The following SLC4A10 variants were observed in gnomAD, a reference collection of about 807,000 sequenced individuals.
SLC4A10 encodes sodium-driven chloride bicarbonate exchanger.
In SLC4A10, 42 loss-of-function variants were observed where a neutral mutation model predicts 137.7. The ratio of observed to expected loss-of-function variants is 0.30; its 90% CI spans 0.24 to 0.39. The LOEUF (loss-of-function observed/expected upper bound fraction) is 0.39, where lower values mean the gene tolerates loss of function less well. Ranked by LOEUF, SLC4A10 falls within the 10% of genes least tolerant of loss-of-function variation. The pLI is 1.00. For synonymous variants in SLC4A10, 474 were observed against 464.1 expected, an observed-to-expected ratio of 1.02 and a Z score of -0.27; for missense variants, 925 against 1,355.0, an observed-to-expected ratio of 0.68 and a Z score of 4.98.
At chr2:161,900,541 G>A (rs1005798643) in intron 11 of SLC4A10, among the ~76,000 whole-genome samples, 2 of 151,854 alleles carry the variant, frequency 1.3e-5, no homozygotes, top group Non-Finnish European at 2.9e-5. Flanking sequence ...ATATTATAAG[G>A]TTATTGTCTC....
At chr2:161,671,015 C>T (rs916083946) in intron 1 of SLC4A10, among the ~76,000 whole-genome samples, 2 of 152,092 alleles carry the variant, frequency 1.3e-5, no homozygotes, top group Non-Finnish European at 2.9e-5. Context: ...TGGTACTGAA[C>T]AACTACAATG....
At chr2:161,707,929 C>T (rs1332216875) in intron 1 of SLC4A10, among the ~76,000 whole-genome samples, 1 of 151,192 alleles carries the variant, frequency 6.6e-6, no homozygotes, top group African/African-American at 2.4e-5. Context: ...TATAGGCGCT[C>T]ATCATTTTGA....
chr2:161,849,327 A>G (rs2059689559), intron 4 of SLC4A10, among the ~76,000 whole-genome samples: 2 of 152,148 alleles, frequency 1.3e-5, no homozygotes, highest in South Asian at 4.1e-4. Context: ...TCCTAGGTAT[A>G]GTATCATATC....
chr2:161,681,115 CACTT>C (rs1411770307), intron 1 of SLC4A10, among the ~76,000 whole-genome samples: 2 of 152,070 alleles, frequency 1.3e-5, no homozygotes, highest in African/African-American at 2.4e-5. Context: ...AAGTTGATAC[CACTT>C]ACTTCAAATT....
At chr2:161,713,145 C>G (rs2044474675) in intron 1 of SLC4A10, among the ~76,000 whole-genome samples, 1 of 151,756 alleles carries the variant, frequency 6.6e-6, no homozygotes, top group African/African-American at 2.4e-5. Flanking sequence ...TTCATTTTGG[C>G]TATAGCCTAG....
intron 1 of SLC4A10, among the ~76,000 whole-genome samples, chr2:161,638,911 A>T (rs2034868324): frequency 6.6e-6 from 1 of 151,914 alleles, no homozygotes; most frequent in African/African-American, 2.4e-5. Flanking sequence ...ACCAATTAAG[A>T]AAAAAAGAAA....
chr2:161,671,992 G>C (rs150043759), intron 1 of SLC4A10, among the ~76,000 whole-genome samples: 1 of 152,262 alleles, frequency 6.6e-6, no homozygotes, highest in Non-Finnish European at 1.5e-5. Flanking sequence ...GCTTCATCAA[G>C]AAAGTGCACT....
chr2:161,949,643 C>T (rs773828398), intron 18 of SLC4A10, among the ~76,000 whole-genome samples: 88 of 151,676 alleles, frequency 5.8e-4, no homozygotes, highest in Non-Finnish European at 1.0e-3. Context: ...GAATTCTGAC[C>T]GTGTTACTAA....
chr2:161,757,644 C>A (rs925338229), intron 1 of SLC4A10, among the ~76,000 whole-genome samples: 19 of 152,064 alleles, frequency 1.2e-4, no homozygotes, highest in Middle Eastern at 3.2e-3. Flanking sequence ...TGGATGTGAA[C>A]CTTGGCGGTC....
At chr2:161,895,857 G>A (rs1254292074) in intron 11 of SLC4A10, among the ~76,000 whole-genome samples, 2 of 151,956 alleles carry the variant, frequency 1.3e-5, no homozygotes, top group Non-Finnish European at 2.9e-5. Flanking sequence ...CTTCCATTTT[G>A]TAGGTTGCCT....
chr2:161,674,012 A>T (rs554301918), intron 1 of SLC4A10, among the ~76,000 whole-genome samples: 1 of 21,882 alleles, frequency 4.6e-5, no homozygotes, highest in East Asian at 0.033. Flanking sequence ...AATGAAGTTC[A>T]TTAAAAATAT....
chr2:161,684,647 C>T (rs1197419679), intron 1 of SLC4A10, among the ~76,000 whole-genome samples: 1 of 152,116 alleles, frequency 6.6e-6, no homozygotes, highest in Non-Finnish European at 1.5e-5. Flanking sequence ...CTTTCCTCAA[C>T]TGTAAAATAT....
intron 1 of SLC4A10, chr2:161,708,555 A>G (rs892710512): frequency 8.4e-6 from 7 of 836,996 alleles, no homozygotes; most frequent in African/African-American, 1.7e-5. Flanking sequence ...AGCAAATACA[A>G]CTGTGTCAGT....
intron 1 of SLC4A10, among the ~76,000 whole-genome samples, chr2:161,724,538 C>A (rs78321750): frequency 0.01 from 1,535 of 152,258 alleles, 25 homozygotes; most frequent in African/African-American, 0.035. Flanking sequence ...ATCTTTAGTG[C>A]AGCGTGCTAT....
chr2:161,720,404 T>A (rs541571476), intron 1 of SLC4A10, among the ~76,000 whole-genome samples: 4 of 152,326 alleles, frequency 2.6e-5, no homozygotes, highest in African/African-American at 9.6e-5. Flanking sequence ...ATATGAACTT[T>A]AAAGTAGTTT....
chr2:161,707,285 C>T (rs553553712), intron 1 of SLC4A10, among the ~76,000 whole-genome samples: 13 of 151,384 alleles, frequency 8.6e-5, no homozygotes, highest in Non-Finnish European at 4.4e-5. Context: ...TCTTAAGACT[C>T]ATTGTGACTA....
At chr2:161,828,806 A>ATATG (rs1559343072) in intron 3 of SLC4A10, among the ~76,000 whole-genome samples, 2 of 120,174 alleles carry the variant, frequency 1.7e-5, no homozygotes, top group Non-Finnish European at 3.5e-5. Flanking sequence ...ATATATATAT[A>ATATG]TATGTATAAT....
At chr2:161,741,819 C>T (rs573674395) in intron 1 of SLC4A10, among the ~76,000 whole-genome samples, 20 of 152,230 alleles carry the variant, frequency 1.3e-4, no homozygotes, top group African/African-American at 4.1e-4. Context: ...CTTTGTATTA[C>T]GAACATTCCA....
At chr2:161,752,743 C>A (rs143860072) in intron 1 of SLC4A10, among the ~76,000 whole-genome samples, 5 of 152,140 alleles carry the variant, frequency 3.3e-5, no homozygotes, top group Admixed American at 1.3e-4. Context: ...ATGATCTCAC[C>A]TATATGCGGA....
Sources: allele counts gnomAD v4.1 joint callset (sites outside exome capture counted in the v4.1 genomes callset), GRCh38; gene constraint gnomAD v4.1.1; transcripts MANE v1.5; gene names NCBI Gene and HGNC (gene_info 2026-07-23, HGNC 2026-07-21).